NRXN1: variants seen among roughly 807,000 people sequenced by gnomAD.
The protein encoded by NRXN1 is neurexin-1.
A neutral mutation model predicts 150.9 loss-of-function variants in NRXN1; 39 were observed. That is an observed-to-expected ratio of 0.26 (90% CI 0.20 to 0.34). The LOEUF is 0.34. NRXN1 is among the 10% of genes least tolerant of loss of function. NRXN1 has a pLI of 1.00. For synonymous variants in NRXN1, 924 were observed against 757.0 expected, an observed-to-expected ratio of 1.22 and a Z score of -3.62; for missense variants, 1,815 against 1,949.9, an observed-to-expected ratio of 0.93 and a Z score of 1.30.
chr2:50,487,060 A>G (rs918449942), intron 15 of NRXN1, among the ~76,000 whole-genome samples: 1 of 152,196 alleles, frequency 6.6e-6, no homozygotes, highest in Non-Finnish European at 1.5e-5. Context: ...AACCTCCCCA[A>G]GCCTCATGTT....
chr2:50,478,303 A>C (rs2090154670), intron 15 of NRXN1, among the ~76,000 whole-genome samples: 1 of 152,224 alleles, frequency 6.6e-6, no homozygotes, highest in Non-Finnish European at 1.5e-5. Flanking sequence ...ATACTGCTCT[A>C]ATCTATTTGA....
chr2:50,719,778 T>C (rs1696393643), intron 5 of NRXN1, among the ~76,000 whole-genome samples: 1 of 152,194 alleles, frequency 6.6e-6, no homozygotes, highest in Non-Finnish European at 1.5e-5. Context: ...AAATTGCACA[T>C]AACTCAATTT....
At chr2:50,831,367 T>C (rs1671382039) in intron 5 of NRXN1, among the ~76,000 whole-genome samples, 1 of 152,178 alleles carries the variant, frequency 6.6e-6, no homozygotes, top group Non-Finnish European at 1.5e-5. Flanking sequence ...CTGAGTAAAA[T>C]AATTGGGAAA....
At chr2:50,967,466 A>G (rs1010254657) in intron 2 of NRXN1, among the ~76,000 whole-genome samples, 8 of 152,004 alleles carry the variant, frequency 5.3e-5, no homozygotes, top group Non-Finnish European at 8.8e-5. Flanking sequence ...CCCATATAAT[A>G]TTTCTTATTT....
At position 50,988,372 on chromosome 2, in the gene NRXN1, A is replaced by C. The variant is rs923342755; in HGVS notation, c.772+39130T>G. 9.2e-5 allele frequency among the ~76,000 whole-genome samples: 14 copies of C among 152,122 alleles called. No individual in the cohort carries two copies. In the East Asian group the frequency reaches 2.7e-3, roughly 30 times the overall value. ...TTTTTTCCCCAAAAAGGGACTTGTG[A>C]TGAAGTGAACAGTATGGCTTCATGG... is the stretch of plus-strand genomic sequence containing the variant. On this transcript the variant is annotated intron_variant, in intron 2 of 22. Coordinates refer to ENST00000401669, the MANE Select transcript of NRXN1 (RefSeq NM_001330078.2).
chr2:50,574,910 G>T (rs1334827688), intron 8 of NRXN1, among the ~76,000 whole-genome samples: 2 of 152,178 alleles, frequency 1.3e-5, no homozygotes, highest in Non-Finnish European at 2.9e-5. Context: ...TGTATCGTTT[G>T]AGACATGAAC....
intron 17 of NRXN1, among the ~76,000 whole-genome samples, chr2:50,314,084 A>C (rs955989643): frequency 2.6e-5 from 4 of 152,124 alleles, no homozygotes; most frequent in African/African-American, 9.7e-5. Context: ...TTCTATGCTG[A>C]AGATGAGAGC....
chr2:50,957,624 T>C (rs1036825932), intron 2 of NRXN1, among the ~76,000 whole-genome samples: 2 of 152,306 alleles, frequency 1.3e-5, no homozygotes, highest in East Asian at 1.9e-4. Flanking sequence ...CTTTATCATA[T>C]GTATGAAATT....
chr2:50,032,082 A>G (rs1214806537), intron 21 of NRXN1, among the ~76,000 whole-genome samples: 1 of 152,102 alleles, frequency 6.6e-6, no homozygotes, highest in Non-Finnish European at 1.5e-5. Context: ...ATTCAATTAG[A>G]AAAGTATTTT....
intron 18 of NRXN1, among the ~76,000 whole-genome samples, chr2:50,125,118 G>C (rs906764690): frequency 6.6e-6 from 1 of 151,960 alleles, no homozygotes; most frequent in African/African-American, 2.4e-5. Flanking sequence ...TATTGTTTTG[G>C]AACTGTCTCT....
At position 50,053,289 on chromosome 2, in the gene NRXN1, T is replaced by C. The variant is rs762990017; in HGVS notation, c.4110A>G (p.Thr1370=). The stretch of plus-strand genomic sequence containing the variant: ...GGCTCACCTGGCTAATGGGTTCTTT[T>C]GTCGGGGGCTTTCCTCTTCTGGCTG... ...TSTARRGKPP[T]KEPISQTTDD... Residue 1370 remains threonine, a synonymous_variant, in exon 21 of 23, where the codon ACA becomes ACG. Coordinates refer to ENST00000401669, the MANE Select transcript of NRXN1 (RefSeq NM_001330078.2). The C allele has an allele frequency of 6.2e-7, 1 of 1,613,986 alleles. No individual in the cohort carries two copies. Among genetic ancestry groups the C allele is most frequent in the South Asian group, 1.1e-5 (1 of 91,086 alleles).
At chr2:50,761,659 T>C (rs1331776584) in intron 5 of NRXN1, among the ~76,000 whole-genome samples, 3 of 151,836 alleles carry the variant, frequency 2.0e-5, no homozygotes, top group African/African-American at 7.2e-5. Flanking sequence ...GGATGTAAAG[T>C]ATTGTTCCTG....
chr2:50,836,031 C>A (rs1254566780), intron 5 of NRXN1, among the ~76,000 whole-genome samples: 3 of 152,052 alleles, frequency 2.0e-5, no homozygotes, highest in Non-Finnish European at 4.4e-5. Context: ...ATTCTTTTCA[C>A]GTTTGTAAAA....
At chr2:50,871,511 T>C (rs1393999777) in intron 5 of NRXN1, among the ~76,000 whole-genome samples, 7 of 151,876 alleles carry the variant, frequency 4.6e-5, no homozygotes, top group African/African-American at 1.7e-4. Flanking sequence ...CAATAAATTA[T>C]GCTAAGTAAA....
At chr2:50,886,692 C>T (rs1376394480) in intron 5 of NRXN1, among the ~76,000 whole-genome samples, 2 of 151,264 alleles carry the variant, frequency 1.3e-5, no homozygotes. Flanking sequence ...GACAATATGT[C>T]CATCTGAGAA....
At chr2:51,014,388 G>C (rs975047046) in intron 2 of NRXN1, among the ~76,000 whole-genome samples, 2 of 151,986 alleles carry the variant, frequency 1.3e-5, no homozygotes, top group African/African-American at 4.8e-5. Flanking sequence ...TAACCATATG[G>C]ATTTTATTTC....
chr2:49,944,581 A>G (rs547401676), intron 21 of NRXN1, among the ~76,000 whole-genome samples: 1 of 152,324 alleles, frequency 6.6e-6, no homozygotes, highest in East Asian at 1.9e-4. Flanking sequence ...CATAAATCCT[A>G]GCAGTTAGTC....
chr2:50,003,255 G>C (rs1211740979), intron 21 of NRXN1, among the ~76,000 whole-genome samples: 1 of 152,090 alleles, frequency 6.6e-6, no homozygotes, highest in African/African-American at 2.4e-5. Context: ...GCTTGGGGAA[G>C]AGAAATAGCT....
intron 17 of NRXN1, among the ~76,000 whole-genome samples, chr2:50,259,411 G>A (rs114977506): frequency 1.3e-5 from 2 of 151,770 alleles, no homozygotes; most frequent in African/African-American, 4.8e-5. Flanking sequence ...GTAATATAAG[G>A]GGTTTGTTAT....
Sources: allele counts gnomAD v4.1 joint callset (sites outside exome capture counted in the v4.1 genomes callset), GRCh38; gene constraint gnomAD v4.1.1; transcripts MANE v1.5; gene names NCBI Gene and HGNC (gene_info 2026-07-23, HGNC 2026-07-21).